APOD: variants seen among roughly 807,000 people sequenced by gnomAD.
APOD encodes apolipoprotein D.
Under a neutral mutation model 20.4 loss-of-function variants are expected in APOD, and 22 were observed. The observed-to-expected ratio is 1.08, with a 90% CI of 0.77 to 1.54. The LOEUF is 1.54. Ranked by LOEUF, APOD falls within the 40% of genes most tolerant of loss-of-function variation. The pLI is 0.00. For missense variants in APOD, 223 were observed against 229.6 expected (o/e 0.97, Z 0.19); for synonymous variants, 97 against 92.4 (o/e 1.05, Z -0.29).
chr3:195,578,618 G>C (rs1372082418), intron 2 of APOD, among the ~76,000 whole-genome samples: 1 of 152,068 alleles, frequency 6.6e-6, no homozygotes, highest in Non-Finnish European at 1.5e-5. Context: ...ATCTATGGAG[G>C]AGCTCGTTGT....
At chr3:195,577,831 T>G (rs894195206) in intron 2 of APOD, among the ~76,000 whole-genome samples, 1 of 152,262 alleles carries the variant, frequency 6.6e-6, no homozygotes, top group Non-Finnish European at 1.5e-5. Flanking sequence ...TGATTTCATT[T>G]TTATCAAATA....
intron 1 of APOD, chr3:195,583,351 C>G (rs1577608374): frequency 1.3e-5 from 2 of 152,184 alleles, no homozygotes; most frequent in African/African-American, 4.8e-5. Flanking sequence ...GAAATTTCAC[C>G]TCATAAAATA....
intron 4 of APOD, 33 bp from the exon 5 acceptor site, chr3:195,569,168 G>A (rs1170677559): frequency 1.9e-6 from 3 of 1,581,314 alleles, no homozygotes; most frequent in Non-Finnish European, 2.6e-6. Context: ...ATTATTGGAG[G>A]GAGAGGGCAA....
intron 2 of APOD, among the ~76,000 whole-genome samples, chr3:195,578,264 T>C (rs1164398644): frequency 2.6e-5 from 4 of 152,146 alleles, no homozygotes; most frequent in Admixed American, 1.3e-4. Context: ...GGGATCAGCC[T>C]GTAAGTGGAG....
chr3:195,579,705 C>T (rs763493177), intron 1 of APOD, among the ~76,000 whole-genome samples: 11 of 152,252 alleles, frequency 7.2e-5, no homozygotes, highest in Non-Finnish European at 1.3e-4. Flanking sequence ...TCCACGAGGG[C>T]GCTCTCTGCC....
intron 2 of APOD, among the ~76,000 whole-genome samples, chr3:195,574,728 C>T (rs1577604242): frequency 1.3e-5 from 2 of 152,096 alleles, no homozygotes; most frequent in Admixed American, 6.5e-5. Context: ...CATTACAGTA[C>T]CGTTTGTAAT....
chr3:195,568,839 G>GGGGGC lies in APOD; in HGVS notation c.*60_*61insGCCCC, dbSNP rs1553889311. 1 of 1,242,794 alleles carries GGGGGC rather than the reference G, an allele frequency of 8.0e-7. No individual in the cohort carries two copies. Among genetic ancestry groups the GGGGGC allele is most frequent in the African/African-American group, 1.6e-5 (1 of 62,090 alleles). 77.0% of individuals were successfully genotyped at this position (1,242,794 alleles called of 1,614,324 possible). ...TGATTGGTTTGTCTTTATGGGGGGG[G>GGGGGC]GGTAGGGGAAAGCGAAGCAGAAGTA... is the stretch of plus-strand genomic sequence containing the variant. On this transcript the variant is annotated 3_prime_UTR_variant, in exon 5 of 5. Coordinates refer to ENST00000343267, the MANE Select transcript of APOD (RefSeq NM_001647.4).
chr3:195,580,651 C>A (rs1446193677), intron 1 of APOD, among the ~76,000 whole-genome samples: 1 of 152,162 alleles, frequency 6.6e-6, no homozygotes, highest in African/African-American at 2.4e-5. Context: ...GGGATCCACC[C>A]GCCTTGGCCT....
chr3:195,579,238 A>G, intron 2 of APOD, 101 bp downstream of exon 2: 2 of 1,528,942 alleles, frequency 1.3e-6, no homozygotes, highest in Non-Finnish European at 1.8e-6. Flanking sequence ...TACTTGTCCC[A>G]AGGTGTGCAG....
intron 1 of APOD, among the ~76,000 whole-genome samples, chr3:195,580,354 C>CTCCT (rs1720313599): frequency 1.3e-5 from 1 of 78,694 alleles, no homozygotes; most frequent in Non-Finnish European, 2.3e-5. Context: ...CTTTTCTTTT[C>CTCCT]TTCTTTCTTT....
chr3:195,569,264 A>C (rs1720117708), intron 4 of APOD, 129 bp from the exon 5 acceptor site: 3 of 745,572 alleles, frequency 4.0e-6, no homozygotes, highest in Non-Finnish European at 6.7e-6. Flanking sequence ...TCAATCCAGA[A>C]ACAGAAAGAC....
intron 2 of APOD, among the ~76,000 whole-genome samples, chr3:195,578,036 A>T (rs1338092688): frequency 6.6e-6 from 1 of 152,224 alleles, no homozygotes; most frequent in Non-Finnish European, 1.5e-5. Flanking sequence ...GTGAAAAGCT[A>T]CTTTAAACAA....
chr3:195,572,174 G>A (rs372419981), intron 3 of APOD, among the ~76,000 whole-genome samples: 9 of 152,156 alleles, frequency 5.9e-5, no homozygotes, highest in Admixed American at 4.6e-4. Context: ...ACATAAAAGC[G>A]TTCCCCTTCT....
At chr3:195,580,036 C>T (rs951907458) in intron 1 of APOD, among the ~76,000 whole-genome samples, 1 of 152,148 alleles carries the variant, frequency 6.6e-6, no homozygotes, top group African/African-American at 2.4e-5. Flanking sequence ...TTCTACCAGC[C>T]CAAGAGTGCG....
chr3:195,575,411 C>T (rs1720232521), intron 2 of APOD, among the ~76,000 whole-genome samples: 1 of 152,190 alleles, frequency 6.6e-6, no homozygotes, highest in Non-Finnish European at 1.5e-5. Flanking sequence ...AGGGCGTGGA[C>T]ACCTTTGGAA....
At chr3:195,574,136 G>A (rs534027362) in intron 2 of APOD, among the ~76,000 whole-genome samples, 165 bp from the exon 3 acceptor site, 13 of 152,324 alleles carry the variant, frequency 8.5e-5, no homozygotes, top group African/African-American at 3.1e-4. Flanking sequence ...ATGAGAATCT[G>A]TGACTAGGAT....
intron 4 of APOD, among the ~76,000 whole-genome samples, chr3:195,569,649 C>T (rs1051320221): frequency 3.7e-4 from 56 of 152,130 alleles, no homozygotes; most frequent in African/African-American, 1.3e-3. Context: ...TATTTGAAAA[C>T]TTTGACAGTC....
chr3:195,574,018 C>G, intron 2 of APOD, 47 bp from the exon 3 acceptor site: 1 of 1,603,784 alleles, frequency 6.2e-7, no homozygotes, highest in Non-Finnish European at 8.5e-7. Context: ...CTCTGGGGAC[C>G]TGCAACTTCT....
At chr3:195,578,623 C>T (rs772841365) in intron 2 of APOD, among the ~76,000 whole-genome samples, 5 of 152,000 alleles carry the variant, frequency 3.3e-5, no homozygotes, top group Admixed American at 2.0e-4. Context: ...TGGAGGAGCT[C>T]GTTGTATTGA....
Sources: gnomAD v4.1 joint callset for allele counts (sites outside exome capture counted in the v4.1 genomes callset) on GRCh38, gnomAD v4.1.1 for gene constraint, MANE v1.5 for transcripts, NCBI Gene and HGNC (gene_info 2026-07-23, HGNC 2026-07-21) for gene names.